NRG3: variants seen among roughly 807,000 people sequenced by gnomAD.
The protein encoded by NRG3 is neuregulin 3.
Under a neutral mutation model 66.9 loss-of-function variants are expected in NRG3, and 31 were observed. The ratio of observed to expected loss-of-function variants is 0.46; its 90% confidence interval spans 0.35 to 0.63. NRG3 has a LOEUF of 0.63. Among genes scored for constraint, NRG3 ranks in the 20% least tolerant of loss-of-function variants. The pLI, the probability that NRG3 is intolerant of heterozygous loss-of-function variation, is 0.00. For synonymous variants in NRG3, 393 were observed against 359.4 expected (o/e 1.09, Z -1.06); for missense variants, 910 against 878.9 (o/e 1.04, Z -0.45).
At chr10:82,615,836 C>T (rs1450794415) in intron 2 of NRG3, among the ~76,000 whole-genome samples, 3 of 152,092 alleles carry the variant, frequency 2.0e-5, no homozygotes, top group Non-Finnish European at 2.9e-5. Context: ...ACAGGTAAGA[C>T]GTACCATTAA....
chr10:82,279,341 C>G (rs1201152084), intron 1 of NRG3, among the ~76,000 whole-genome samples: 1 of 152,284 alleles, frequency 6.6e-6, no homozygotes, highest in East Asian at 1.9e-4. Context: ...CAAACTGGCA[C>G]TACTGCTGAC....
intron 1 of NRG3, among the ~76,000 whole-genome samples, chr10:82,270,764 G>A (rs2078550853): frequency 6.6e-6 from 1 of 152,038 alleles, no homozygotes; most frequent in Non-Finnish European, 1.5e-5. Flanking sequence ...TAATATCATG[G>A]CCAGTGAGCA....
chr10:82,904,823 T>C (rs1369072145), intron 4 of NRG3, among the ~76,000 whole-genome samples: 1 of 152,166 alleles, frequency 6.6e-6, no homozygotes, highest in Non-Finnish European at 1.5e-5. Flanking sequence ...TCGACTATTT[T>C]TCCCTGAGGA....
At chr10:82,706,416 A>G (rs986190313) in intron 2 of NRG3, among the ~76,000 whole-genome samples, 14 of 152,200 alleles carry the variant, frequency 9.2e-5, no homozygotes, top group African/African-American at 1.7e-4. Flanking sequence ...ACAAATGTCA[A>G]TAATATTTAC....
chr10:82,869,577 T>A (rs1488768832), intron 4 of NRG3, among the ~76,000 whole-genome samples: 2 of 127,282 alleles, frequency 1.6e-5, no homozygotes, highest in East Asian at 4.2e-4. Flanking sequence ...ATTTATTTTA[T>A]TTTATTTTAT....
chr10:82,671,008 G>A (rs1345011918), intron 2 of NRG3, among the ~76,000 whole-genome samples: 1 of 152,108 alleles, frequency 6.6e-6, no homozygotes, highest in Non-Finnish European at 1.5e-5. Context: ...CCTCTGGGAG[G>A]CAATAAGCCC....
chr10:82,096,855 CAAAAGGTATT>C (rs1205238517), intron 1 of NRG3, among the ~76,000 whole-genome samples: 1 of 152,040 alleles, frequency 6.6e-6, no homozygotes, highest in African/African-American at 2.4e-5. Flanking sequence ...CATGAAATTG[CAAAAGGTATT>C]AAAATATAAT....
chr10:82,561,693 A>G (rs2045055985), intron 2 of NRG3, among the ~76,000 whole-genome samples: 1 of 152,130 alleles, frequency 6.6e-6, no homozygotes, highest in African/African-American at 2.4e-5. Context: ...ATTTCAAGAA[A>G]TATGCTAGAT....
intron 1 of NRG3, among the ~76,000 whole-genome samples, chr10:81,891,893 G>A (rs1843041458): frequency 6.6e-6 from 1 of 152,120 alleles, no homozygotes; most frequent in Non-Finnish European, 1.5e-5. Context: ...TAGAATCTTA[G>A]TGGAATTTTT....
intron 2 of NRG3, among the ~76,000 whole-genome samples, chr10:82,544,758 T>TA (rs1319176641): frequency 6.6e-6 from 1 of 152,188 alleles, no homozygotes; most frequent in Non-Finnish European, 1.5e-5. Flanking sequence ...TACCCACAGA[T>TA]AGCTCAGTTC....
chr10:82,424,716 A>T (rs1016506050), intron 2 of NRG3, among the ~76,000 whole-genome samples: 1 of 151,840 alleles, frequency 6.6e-6, no homozygotes, highest in African/African-American at 2.4e-5. Flanking sequence ...CTATCACCTA[A>T]CTCGAGGACA....
chr10:81,971,009 G>A (rs1338084251), intron 1 of NRG3, among the ~76,000 whole-genome samples: 2 of 152,116 alleles, frequency 1.3e-5, no homozygotes, highest in African/African-American at 4.8e-5. Flanking sequence ...GCATGGTGGT[G>A]GGCCCCTGTA....
chr10:82,418,067 G>A (rs950948602), intron 2 of NRG3, among the ~76,000 whole-genome samples: 6 of 152,190 alleles, frequency 3.9e-5, no homozygotes, highest in Admixed American at 3.3e-4. Flanking sequence ...TGCCATTTTA[G>A]TGATTGAAAC....
rs141153783 is a variant in NRG3, at chr10:82,679,199, T to A, written c.954-59378T>A. Reference sequence around the variant, plus strand: ...TGTTGGATCTTTTCTTCTCACTCCGTCTGACTCTGGACTGTTGTATAGTCA... The same window carrying A: ...TGTTGGATCTTTTCTTCTCACTCCGACTGACTCTGGACTGTTGTATAGTCA... On this transcript the variant is annotated intron_variant, in intron 2 of 8. Transcript: ENST00000372141. Among the ~76,000 whole-genome samples the A allele has an allele frequency of 3.1e-3, 466 of 152,340 alleles. 1 individual carries two copies. Among genetic ancestry groups the A allele is most frequent in the African/African-American group, 0.011 (443 of 41,572 alleles).
At chr10:82,442,189 A>T (rs2090465798) in intron 2 of NRG3, among the ~76,000 whole-genome samples, 1 of 152,224 alleles carries the variant, frequency 6.6e-6, no homozygotes, top group African/African-American at 2.4e-5. Context: ...TTCATTAGGC[A>T]TTCATTCAAT....
intron 2 of NRG3, among the ~76,000 whole-genome samples, chr10:82,518,709 G>A (rs1262306311): frequency 1.3e-5 from 2 of 152,120 alleles, no homozygotes; most frequent in Non-Finnish European, 2.9e-5. Flanking sequence ...TGGTGACAGG[G>A]CCATTAAGGT....
intron 1 of NRG3, among the ~76,000 whole-genome samples, chr10:82,275,168 T>C (rs1312096018): frequency 1.3e-5 from 2 of 152,102 alleles, no homozygotes; most frequent in Non-Finnish European, 2.9e-5. Flanking sequence ...TTAAAAAGTA[T>C]ACTTGTACAT....
intron 2 of NRG3, among the ~76,000 whole-genome samples, chr10:82,363,795 C>T (rs2084345454): frequency 6.6e-6 from 1 of 152,098 alleles, no homozygotes; most frequent in Non-Finnish European, 1.5e-5. Context: ...TAGGGATGCT[C>T]ACCACATTTT....
chr10:81,950,267 G>T (rs1780561609), intron 1 of NRG3, among the ~76,000 whole-genome samples: 2 of 152,248 alleles, frequency 1.3e-5, no homozygotes, highest in South Asian at 4.1e-4. Context: ...TCTCAATTTA[G>T]TCAAACCTGG....
Sources: gnomAD v4.1 joint callset for allele counts (sites outside exome capture counted in the v4.1 genomes callset) on GRCh38, gnomAD v4.1.1 for gene constraint, MANE v1.5 for transcripts, NCBI Gene and HGNC (gene_info 2026-07-23, HGNC 2026-07-21) for gene names.